Variants in RASGRF2 observed in about 807,000 individuals in gnomAD.
The protein encoded by RASGRF2 is ras-specific guanine nucleotide-releasing factor 2.
Under a neutral mutation model 151.0 loss-of-function variants are expected in RASGRF2, and 76 were observed. The observed-to-expected ratio is 0.50, with a 90% CI of 0.42 to 0.61. The LOEUF (loss-of-function observed/expected upper bound fraction) is 0.61. Ranked by LOEUF, RASGRF2 falls within the 20% of genes least tolerant of loss-of-function variation. The probability of loss-of-function intolerance (pLI) is 0.00; values close to 1 mark genes in which losing one functional copy is unlikely to be tolerated. For missense variants in RASGRF2, 1,148 were observed against 1,564.6 expected (o/e 0.73, Z 4.49); for synonymous variants, 504 against 566.5 (o/e 0.89, Z 1.57).
chr5:80,991,053 A>G (rs1183655893), intron 1 of RASGRF2, among the ~76,000 whole-genome samples: 2 of 152,148 alleles, frequency 1.3e-5, no homozygotes, highest in African/African-American at 4.8e-5. Context: ...TCTTAATTTT[A>G]TAAGTTCACT....
Position 81,081,039 on chromosome 5 carries a change from G to A in RASGRF2, c.1161+250G>A, listed in dbSNP as rs181249669. 1.9e-3 allele frequency among the ~76,000 whole-genome samples: 289 copies of A among 152,260 alleles called. 3 individuals are homozygous for A. Among genetic ancestry groups the A allele is most frequent in the Non-Finnish European group, 3.3e-3 (225 of 68,020 alleles). On this transcript the variant is annotated intron_variant, in intron 7 of 26. Coordinates refer to ENST00000265080, the MANE Select transcript of RASGRF2 (RefSeq NM_006909.3). Reference sequence around the variant, plus strand: ...TTCAAGAATGATTTTTTGAAACGCTGCACAATTTTCTCTTTACAGAAAGAT... The same window carrying A: ...TTCAAGAATGATTTTTTGAAACGCTACACAATTTTCTCTTTACAGAAAGAT...
intron 10 of RASGRF2, among the ~76,000 whole-genome samples, chr5:81,093,708 C>A (rs387639): frequency 6.6e-6 from 1 of 151,970 alleles, no homozygotes; most frequent in South Asian, 2.1e-4. Context: ...GCCTGGTGTA[C>A]AAGTGTGAGC....
At chr5:81,167,886 A>G (rs988533648) in intron 17 of RASGRF2, among the ~76,000 whole-genome samples, 2 of 152,162 alleles carry the variant, frequency 1.3e-5, no homozygotes, top group African/African-American at 4.8e-5. Context: ...TCACAGGAAG[A>G]CTTCAGATCT....
At chr5:80,995,785 C>A (rs141820293) in intron 1 of RASGRF2, among the ~76,000 whole-genome samples, 8 of 149,094 alleles carry the variant, frequency 5.4e-5, no homozygotes, top group Admixed American at 4.1e-4. Flanking sequence ...CTGCGCCTCC[C>A]GGGTTCAAGC....
At chr5:81,057,136 G>A (rs1414197191) in intron 2 of RASGRF2, among the ~76,000 whole-genome samples, 4 of 152,096 alleles carry the variant, frequency 2.6e-5, no homozygotes, top group Non-Finnish European at 5.9e-5. Flanking sequence ...TTACATTTAA[G>A]GTTAATATTG....
At chr5:80,992,707 A>G (rs1292190650) in intron 1 of RASGRF2, among the ~76,000 whole-genome samples, 1 of 152,216 alleles carries the variant, frequency 6.6e-6, no homozygotes, top group Non-Finnish European at 1.5e-5. Flanking sequence ...TTGAAAGTTC[A>G]TTCTGAATTT....
chr5:81,087,060 C>T lies in RASGRF2; in HGVS notation c.1390+107C>T, dbSNP rs565240859. On this transcript the variant is annotated intron_variant, in intron 9 of 26. Coordinates refer to ENST00000265080, the MANE Select transcript of RASGRF2 (RefSeq NM_006909.3). ...GAACAGGCGTGACGGGTGCGGTGCC[C>T]GAAGGACCCCCCCACGGCCTTCGCC... 9 of 1,025,338 alleles carry T rather than the reference C, an allele frequency of 8.8e-6. No individual in the cohort carries two copies. The South Asian group carries it at 9.4e-5, about 11-fold the overall frequency. The allele number at this position is 1,025,338 out of a possible 1,614,324, so 63.5% of individuals were successfully genotyped here. A position where few individuals can be genotyped will look rare whatever the true frequency, so the allele number is the denominator to read the frequency against.
intron 1 of RASGRF2, 114 bp downstream of exon 1, chr5:80,961,140 G>A (rs1747538827): frequency 3.3e-6 from 4 of 1,202,896 alleles, no homozygotes; most frequent in Non-Finnish European, 4.4e-6. Flanking sequence ...ACTATGCTCC[G>A]AAATCCCCCC....
At chr5:81,099,361 G>A (rs1430699504) in intron 12 of RASGRF2, among the ~76,000 whole-genome samples, 1 of 152,052 alleles carries the variant, frequency 6.6e-6, no homozygotes, top group East Asian at 1.9e-4. Context: ...TGCTTTTATA[G>A]CTTTTTCTGA....
At chr5:81,180,046 C>G (rs7723841) in intron 17 of RASGRF2, 129 bp from the exon 18 acceptor site, 5 of 626,010 alleles carry the variant, frequency 8.0e-6, no homozygotes, top group South Asian at 7.5e-5. Context: ...TCTGAAGCCA[C>G]GCGCACCTCT....
intron 17 of RASGRF2, among the ~76,000 whole-genome samples, chr5:81,129,250 G>A (rs958161321): frequency 1.3e-5 from 2 of 152,330 alleles, no homozygotes; most frequent in South Asian, 4.1e-4. Context: ...AAACATGAGA[G>A]ATGGCATATT....
intron 7 of RASGRF2, among the ~76,000 whole-genome samples, chr5:81,083,762 A>C (rs952078433): frequency 6.6e-6 from 1 of 152,196 alleles, no homozygotes; most frequent in African/African-American, 2.4e-5. Context: ...CCAATCGTGA[A>C]ATCTGCTCCT....
At chr5:81,165,553 A>C (rs1754486100) in intron 17 of RASGRF2, among the ~76,000 whole-genome samples, 1 of 152,246 alleles carries the variant, frequency 6.6e-6, no homozygotes, top group Admixed American at 6.5e-5. Flanking sequence ...AGTATGGATC[A>C]TCACAGGAAA....
In RASGRF2 at chr5:81,073,193, C is replaced by T. The variant is rs377051704; in HGVS notation, c.634-6C>T. ...TCAGATTCCTTTCTGATTTTTTGTT[C>T]TGTAGGTTCAGAGCTTCATGCGAGG... On this transcript the variant is annotated splice_polypyrimidine_tract_variant and splice_region_variant and intron_variant, in intron 4 of 26. Transcript: ENST00000265080. The T allele has an allele frequency of 3.7e-6, 6 of 1,604,178 alleles. No individual in the cohort carries two copies. In the African/African-American group the frequency reaches 5.4e-5, roughly 14 times the overall value.
intron 1 of RASGRF2, among the ~76,000 whole-genome samples, chr5:80,985,923 A>AGG (rs973887550): frequency 7.0e-6 from 1 of 143,708 alleles, no homozygotes; most frequent in Non-Finnish European, 1.6e-5. Flanking sequence ...ATAGGTCTTT[A>AGG]GGTGTGTGTG....
intron 17 of RASGRF2, among the ~76,000 whole-genome samples, chr5:81,156,640 C>T (rs1305578608): frequency 6.6e-6 from 1 of 151,856 alleles, no homozygotes; most frequent in African/African-American, 2.4e-5. Flanking sequence ...TATTTAATAC[C>T]CATTCAATAA....
At chr5:81,187,745 A>G (rs1203743859) in intron 18 of RASGRF2, among the ~76,000 whole-genome samples, 1 of 152,140 alleles carries the variant, frequency 6.6e-6, no homozygotes, top group Admixed American at 6.5e-5. Context: ...GATGGCCTCT[A>G]CTTAGTGTGC....
At chr5:80,991,549 A>G (rs914595066) in intron 1 of RASGRF2, among the ~76,000 whole-genome samples, 2 of 151,978 alleles carry the variant, frequency 1.3e-5, no homozygotes, top group Non-Finnish European at 2.9e-5. Flanking sequence ...ACCTTTTTCC[A>G]GTTTTACCCC....
At chr5:81,084,024 C>T (rs1442741031) in intron 7 of RASGRF2, among the ~76,000 whole-genome samples, 1 of 152,200 alleles carries the variant, frequency 6.6e-6, no homozygotes, top group Non-Finnish European at 1.5e-5. Context: ...TGCAGAACTT[C>T]GTTTGCCTGC....
Sources: allele counts gnomAD v4.1 joint callset (sites outside exome capture counted in the v4.1 genomes callset), GRCh38; gene constraint gnomAD v4.1.1; transcripts MANE v1.5; gene names NCBI Gene and HGNC (gene_info 2026-07-23, HGNC 2026-07-21).